Variants in PDE11A observed in about 807,000 individuals in gnomAD.
The protein encoded by PDE11A is phosphodiesterase 11A.
In PDE11A, 100 loss-of-function variants were observed where a neutral mutation model predicts 100.5. The ratio of observed to expected loss-of-function variants is 1.00; its 90% CI spans 0.85 to 1.18. The LOEUF (loss-of-function observed/expected upper bound fraction) is 1.18, where lower values mean the gene tolerates loss of function less well. Among genes scored for constraint, PDE11A ranks in the 50% most tolerant of loss-of-function variants. The pLI, the probability that PDE11A is intolerant of heterozygous loss-of-function variation, is 0.00. For synonymous variants in PDE11A, 381 were observed against 420.8 expected (o/e 0.91, Z 1.16); for missense variants, 1,141 against 1,152.6 (o/e 0.99, Z 0.15).
intron 1 of PDE11A, chr2:178,104,536 G>A (rs1375617498): frequency 2.2e-5 from 32 of 1,423,376 alleles, no homozygotes; most frequent in East Asian, 9.4e-5. Flanking sequence ...TTTCAAAGCC[G>A]GGGAGAAAAA....
chr2:177,919,783 TA>T (rs1055825156), intron 2 of PDE11A, among the ~76,000 whole-genome samples: 54 of 150,950 alleles, frequency 3.6e-4, no homozygotes, highest in South Asian at 8.3e-4. Flanking sequence ...TTTTGGAATT[TA>T]AAAAAAAAGG....
At chr2:177,817,779 G>A in intron 8 of PDE11A, 79 bp downstream of exon 8, 1 of 740,232 alleles carries the variant, frequency 1.4e-6, no homozygotes, top group East Asian at 2.6e-5. Flanking sequence ...ACTAATAATT[G>A]TTTGTCTTTC....
intron 19 of PDE11A, 149 bp from the exon 20 acceptor site, chr2:177,629,711 G>A: frequency 1.3e-6 from 1 of 797,482 alleles, no homozygotes; most frequent in Non-Finnish European, 2.1e-6. Flanking sequence ...CTATTTACAA[G>A]AAGTAAATAT....
intron 7 of PDE11A, among the ~76,000 whole-genome samples, chr2:177,819,868 T>TCTC (rs60332687): frequency 7.2e-6 from 1 of 139,100 alleles, no homozygotes; most frequent in African/African-American, 2.8e-5. Context: ...CTTTCTCTCT[T>TCTC]TCTCTCTCTC....
At chr2:177,767,779 A>G (rs1322245775) in intron 10 of PDE11A, among the ~76,000 whole-genome samples, 2 of 152,180 alleles carry the variant, frequency 1.3e-5, no homozygotes, top group African/African-American at 2.4e-5. Flanking sequence ...CCATTCATTC[A>G]TTCATCCATT....
intron 2 of PDE11A, among the ~76,000 whole-genome samples, chr2:178,094,237 A>G (rs1011535322): frequency 3.9e-5 from 6 of 152,044 alleles, no homozygotes; most frequent in African/African-American, 1.4e-4. Flanking sequence ...AATATGAAAA[A>G]CAAAAGTTAG....
chr2:177,855,836 G>A (rs2083822377), intron 5 of PDE11A, among the ~76,000 whole-genome samples: 1 of 151,500 alleles, frequency 6.6e-6, no homozygotes, highest in Non-Finnish European at 1.5e-5. Flanking sequence ...AGATAAGCTT[G>A]GGAATGAGAT....
At chr2:177,755,516 C>T (rs1425953906) in intron 10 of PDE11A, among the ~76,000 whole-genome samples, 1 of 152,178 alleles carries the variant, frequency 6.6e-6, no homozygotes, top group Non-Finnish European at 1.5e-5. Context: ...TACCATCCAC[C>T]AGGTACCTCT....
chr2:178,036,820 T>C (rs1021449623), intron 1 of PDE11A, among the ~76,000 whole-genome samples: 3 of 152,198 alleles, frequency 2.0e-5, no homozygotes, highest in Non-Finnish European at 1.5e-5. Context: ...GCTAGCCATA[T>C]GCAGAAAACA....
rs1048019861 is a variant in PDE11A, at chr2:178,072,503, A to G, written c.-66T>C. 19 of 1,599,268 alleles carry G rather than the reference A, an allele frequency of 1.2e-5. No individual in the cohort carries two copies. The South Asian group carries it at 1.7e-4, about 14-fold the overall frequency. On this transcript the variant is annotated 5_prime_UTR_variant, in exon 1 of 20. An upstream open reading frame in the 5' UTR loses its in-frame stop. Coordinates refer to ENST00000286063, the MANE Select transcript of PDE11A (RefSeq NM_016953.4). The stretch of plus-strand genomic sequence containing the variant: ...AATGTTTTCCTGCCCCGAGGCCTCT[A>G]GCTGTTCCTGCACATGTTCACCCCC...
chr2:177,931,400 C>T (rs1574287739), intron 2 of PDE11A, among the ~76,000 whole-genome samples: 1 of 152,238 alleles, frequency 6.6e-6, no homozygotes, highest in South Asian at 2.1e-4. Context: ...AAAATCTACT[C>T]TCAGCAAGTC....
At chr2:177,928,385 C>A (rs970414863) in intron 2 of PDE11A, among the ~76,000 whole-genome samples, 1 of 152,134 alleles carries the variant, frequency 6.6e-6, no homozygotes, top group African/African-American at 2.4e-5. Context: ...GTAGTCTCAG[C>A]TATTCAGGAG....
Position 177,997,625 on chromosome 2 carries a change from C to T in PDE11A, c.1071+16677G>A, listed in dbSNP as rs1312667642. ...AGTTGTCTGATATAAACTTGCAGGCCTCGTGCAAAGTATTGCAGCCTGATT... is the reference window on the plus strand; with the variant it reads ...AGTTGTCTGATATAAACTTGCAGGCTTCGTGCAAAGTATTGCAGCCTGATT... On this transcript the variant is annotated intron_variant, in intron 2 of 19. Coordinates refer to ENST00000286063, the MANE Select transcript of PDE11A (RefSeq NM_016953.4). 4 of 1,280,602 alleles carry T rather than the reference C, an allele frequency of 3.1e-6. No individual in the cohort carries two copies. In the East Asian group the frequency reaches 6.9e-5, roughly 22 times the overall value. 79.3% of individuals were successfully genotyped at this position (1,280,602 alleles called of 1,614,324 possible).
At chr2:177,684,594 C>T (rs1049915177) in intron 15 of PDE11A, among the ~76,000 whole-genome samples, 2 of 152,178 alleles carry the variant, frequency 1.3e-5, no homozygotes, top group Non-Finnish European at 2.9e-5. Flanking sequence ...GCACTCACTA[C>T]TTACATGACT....
intron 10 of PDE11A, among the ~76,000 whole-genome samples, chr2:177,753,062 G>A (rs1368838758): frequency 6.6e-6 from 1 of 152,180 alleles, no homozygotes; most frequent in African/African-American, 2.4e-5. Flanking sequence ...TATATTCAGT[G>A]AGCTCTTACA....
At chr2:177,943,842 G>T (rs1395065762) in intron 2 of PDE11A, among the ~76,000 whole-genome samples, 1 of 152,026 alleles carries the variant, frequency 6.6e-6, no homozygotes, top group Non-Finnish European at 1.5e-5. Flanking sequence ...ATTCCTACTA[G>T]GTTTTATGGT....
At position 177,701,133 on chromosome 2, in the gene PDE11A, G is replaced by T; in HGVS notation, c.2232C>A (p.Ile744=). The T allele has an allele frequency of 6.3e-7, 1 of 1,589,298 alleles. No homozygotes were observed. The highest frequency in any genetic ancestry group is 8.6e-7 in the Non-Finnish European group (1 of 1,157,296). ...ATCAGGCCTGTACCTCACTTTGAAG[G>T]ATCATCACGGCGTGGTTGAAATGGT... ...EHHHFNHAVM[I]LQSEGHNIFA... The change falls in exon 14 of 20, where the codon ATC becomes ATA. Residue 744 remains isoleucine (I), a synonymous_variant. Transcript: ENST00000286063.
chr2:177,849,894 G>C (rs1452042886), intron 5 of PDE11A, among the ~76,000 whole-genome samples: 1 of 151,914 alleles, frequency 6.6e-6, no homozygotes, highest in Non-Finnish European at 1.5e-5. Flanking sequence ...AGGATACAAA[G>C]AAATGGAAGA....
chr2:177,692,904 T>C (rs1194845214), intron 15 of PDE11A, among the ~76,000 whole-genome samples: 1 of 152,194 alleles, frequency 6.6e-6, no homozygotes, highest in African/African-American at 2.4e-5. Flanking sequence ...TTTTAGAGCA[T>C]GGCAAGAAAT....
Sources: allele counts gnomAD v4.1 joint callset (sites outside exome capture counted in the v4.1 genomes callset), GRCh38; gene constraint gnomAD v4.1.1; transcripts MANE v1.5; gene names NCBI Gene and HGNC (gene_info 2026-07-23, HGNC 2026-07-21).